Variants in ADARB1 observed in about 807,000 individuals in gnomAD.
The protein encoded by ADARB1 is adenosine deaminase RNA specific B1.
Under a neutral mutation model 52.4 loss-of-function variants are expected in ADARB1, and 10 were observed. The ratio of observed to expected loss-of-function variants is 0.19; its 90% CI spans 0.12 to 0.32. The LOEUF (loss-of-function observed/expected upper bound fraction) is 0.32. Ranked by LOEUF, ADARB1 falls within the 10% of genes least tolerant of loss-of-function variation. The pLI is 1.00. For missense variants in ADARB1, 643 were observed against 922.3 expected, an observed-to-expected ratio of 0.70 and a Z score of 3.92; for synonymous variants, 349 against 371.1, an observed-to-expected ratio of 0.94 and a Z score of 0.68.
chr21:45,178,176 C>T (rs370741057), intron 4 of ADARB1, among the ~76,000 whole-genome samples: 2 of 152,300 alleles, frequency 1.3e-5, no homozygotes, highest in South Asian at 2.1e-4. Flanking sequence ...GCACCTTAGG[C>T]GGACGCAGAT....
Position 45,127,978 on chromosome 21 carries a change from C to T in ADARB1, c.-219-424C>T, listed in dbSNP as rs570030526. On this transcript the variant is annotated intron_variant, in intron 1 of 10. Transcript: ENST00000348831. ...AGAGGTGGCCTGTAGCTTCCAAACCCGGGCAGAGCACGTGCAGGGATGGTG... is the reference window on the plus strand; with the variant it reads ...AGAGGTGGCCTGTAGCTTCCAAACCTGGGCAGAGCACGTGCAGGGATGGTG... Among the ~76,000 whole-genome samples, 11 of 152,268 alleles carry T rather than the reference C, an allele frequency of 7.2e-5. No homozygotes were observed. The South Asian group carries it at 1.9e-3, about 26-fold the overall frequency.
intron 2 of ADARB1, chr21:45,152,685 G>A (rs750752087): frequency 1.6e-5 from 7 of 446,026 alleles, no homozygotes; most frequent in African/African-American, 1.0e-4. Context: ...AAAAGGAGGC[G>A]CAAGAAGCGC....
chr21:45,133,406 T>C (rs750373393), intron 2 of ADARB1, among the ~76,000 whole-genome samples: 9 of 152,250 alleles, frequency 5.9e-5, no homozygotes, highest in Non-Finnish European at 1.3e-4. Context: ...CTCTGACTTC[T>C]CTCATCCTTC....
chr21:45,222,226 G>A lies in ADARB1; in HGVS notation c.*29G>A. The A allele has an allele frequency of 2.6e-6, 4 of 1,525,378 alleles. No individual in the cohort carries two copies. Among genetic ancestry groups the A allele is most frequent in the Non-Finnish European group, 3.5e-6 (4 of 1,141,462 alleles). 94.5% of individuals were successfully genotyped at this position (1,525,378 alleles called of 1,614,324 possible). ...GGGCAGACATGATGGGGGGTGCAGG[G>A]GGCTGTGGGCATCCAGCGTCATCCT... On this transcript the variant is annotated 3_prime_UTR_variant, in exon 11 of 11. Transcript: ENST00000348831.
At chr21:45,146,869 G>A (rs1490099488) in intron 2 of ADARB1, among the ~76,000 whole-genome samples, 1 of 152,168 alleles carries the variant, frequency 6.6e-6, no homozygotes, top group African/African-American at 2.4e-5. Flanking sequence ...CCATGACAAT[G>A]TTAAGTGCTT....
intron 5 of ADARB1, 40 bp downstream of exon 5, chr21:45,180,484 A>G: frequency 2.0e-6 from 3 of 1,500,124 alleles, no homozygotes; most frequent in Non-Finnish European, 2.8e-6. Context: ...GCCTGTTTTC[A>G]TGTCTGACAA....
intron 2 of ADARB1, among the ~76,000 whole-genome samples, chr21:45,134,424 C>T (rs528164194): frequency 1.7e-4 from 26 of 150,686 alleles, no homozygotes; most frequent in African/African-American, 5.9e-4. Context: ...TGTGTGCGCC[C>T]GACGGGTGTG....
intron 2 of ADARB1, among the ~76,000 whole-genome samples, chr21:45,144,149 A>G (rs1457370874): frequency 1.3e-5 from 2 of 152,232 alleles, no homozygotes; most frequent in East Asian, 1.9e-4. Flanking sequence ...TAATGTTACA[A>G]TTTCCCATGT....
chr21:45,149,001 A>C (rs559616156), intron 2 of ADARB1, among the ~76,000 whole-genome samples: 1 of 152,194 alleles, frequency 6.6e-6, no homozygotes, highest in East Asian at 1.9e-4. Context: ...AAACCTGCTG[A>C]GTCTCTATGG....
chr21:45,080,787 C>T (rs1486050259), intron 1 of ADARB1, among the ~76,000 whole-genome samples: 3 of 152,176 alleles, frequency 2.0e-5, no homozygotes, highest in African/African-American at 4.8e-5. Flanking sequence ...ATTTGCCTAG[C>T]TGGGAATTTC....
At position 45,222,541 on chromosome 21, in the gene ADARB1, A is replaced by T; in HGVS notation, c.*344A>T. ...GCTTCCTTAAGTTTAGGAAAATAGA[A>T]ATTACTTTGTGTGAAATTCTTGAAT... On this transcript the variant is annotated 3_prime_UTR_variant, in exon 11 of 11. Coordinates refer to ENST00000348831, the MANE Select transcript of ADARB1 (RefSeq NM_001112.4). The T allele has an allele frequency of 9.2e-7, 1 of 1,081,796 alleles. No individual in the cohort carries two copies. The highest frequency in any genetic ancestry group is 1.1e-6 in the Non-Finnish European group (1 of 892,568). The allele number at this position is 1,081,796 out of a possible 1,614,324, so 67.0% of individuals were successfully genotyped here. A position where few individuals can be genotyped will look rare whatever the true frequency, so the allele number is the denominator to read the frequency against.
chr21:45,191,716 T>A (rs1028752291), intron 8 of ADARB1, among the ~76,000 whole-genome samples: 2 of 151,470 alleles, frequency 1.3e-5, no homozygotes, highest in Non-Finnish European at 2.9e-5. Flanking sequence ...CTAAACTTTT[T>A]AATTGTTCTT....
intron 8 of ADARB1, among the ~76,000 whole-genome samples, chr21:45,196,557 C>A (rs997672295): frequency 6.6e-6 from 1 of 152,140 alleles, no homozygotes; most frequent in African/African-American, 2.4e-5. Context: ...AATAAACTGA[C>A]AAACAGGGAG....
intron 2 of ADARB1, among the ~76,000 whole-genome samples, chr21:45,162,923 G>A (rs963852620): frequency 1.3e-5 from 2 of 152,226 alleles, no homozygotes; most frequent in Admixed American, 1.3e-4. Flanking sequence ...TTAACTCACA[G>A]CACCAGACAC....
intron 4 of ADARB1, 37 bp from the exon 5 acceptor site, chr21:45,180,293 A>G: frequency 6.7e-7 from 1 of 1,484,532 alleles, no homozygotes; most frequent in Non-Finnish European, 9.4e-7. Context: ...TCCCAGCTGC[A>G]TCTGGCCCCT....
At position 45,221,126 on chromosome 21, in the gene ADARB1, G is replaced by A. The variant is rs780548046; in HGVS notation, c.1926+112G>A. 70 of 1,236,548 alleles carry A rather than the reference G, an allele frequency of 5.7e-5. No homozygotes were observed. The highest frequency in any genetic ancestry group is 6.9e-5 in the Non-Finnish European group (63 of 907,614). The allele number at this position is 1,236,548 out of a possible 1,614,324, so 76.6% of individuals were successfully genotyped here. ...CATCATGTCATCATGCACAGCTTCC[G>A]AAAACGATCACTTGGAATGATTCTT... is the stretch of plus-strand genomic sequence containing the variant. On this transcript the variant is annotated intron_variant, in intron 10 of 10. Transcript: ENST00000348831. The surrounding 1 kb of genome is among the most constrained non-coding windows in gnomAD (Gnocchi z 4.9).
rs912401051 is a variant in ADARB1, at chr21:45,142,960, C to T, written c.-48+14387C>T. ...GCTGTGCAGCCTCCACCCACAAAGG[C>T]CAAAGCTCCAATGGCATCTGCGATG... is the stretch of plus-strand genomic sequence containing the variant. On this transcript the variant is annotated intron_variant, in intron 2 of 10. Coordinates refer to ENST00000348831, the MANE Select transcript of ADARB1 (RefSeq NM_001112.4). The surrounding 1 kb of genome is among the most constrained non-coding windows in gnomAD (Gnocchi z 4.0). Among the ~76,000 whole-genome samples, 1 of 152,170 alleles carries T rather than the reference C, an allele frequency of 6.6e-6. No individual in the cohort carries two copies. The highest frequency in any genetic ancestry group is 6.5e-5 in the Admixed American group (1 of 15,274).
chr21:45,109,192 TG>T (rs979813167), intron 1 of ADARB1, among the ~76,000 whole-genome samples: 70 of 47,384 alleles, frequency 1.5e-3, no homozygotes, highest in African/African-American at 3.8e-3. Flanking sequence ...CGTATATGTG[TG>T]TGCACGTGTG....
intron 2 of ADARB1, chr21:45,144,701 G>A (rs1371727215): frequency 4.5e-6 from 2 of 445,162 alleles, no homozygotes; most frequent in Non-Finnish European, 9.0e-6. Flanking sequence ...CTTCAACTCT[G>A]GTAACTTCAT....
Sources: allele counts gnomAD v4.1 joint callset (sites outside exome capture counted in the v4.1 genomes callset), GRCh38; gene constraint gnomAD v4.1.1; non-coding constraint Gnocchi (gnomAD v3.1); transcripts MANE v1.5; gene names NCBI Gene and HGNC (gene_info 2026-07-23, HGNC 2026-07-21).